The following THOC1 variants were observed in gnomAD, a reference collection of about 807,000 sequenced individuals.
THOC1 encodes THO complex subunit 1.
Under a neutral mutation model 97.3 loss-of-function variants are expected in THOC1, and 29 were observed. That is an observed-to-expected ratio of 0.30 (90% CI 0.22 to 0.41). The LOEUF (loss-of-function observed/expected upper bound fraction) is 0.41, where lower values mean the gene tolerates loss of function less well. THOC1 is among the 10% of genes least tolerant of loss of function. The pLI is 1.00. For synonymous variants in THOC1, 255 were observed against 257.0 expected (o/e 0.99, Z 0.07); for missense variants, 529 against 761.9 (o/e 0.69, Z 3.60).
At chr18:256,644 G>A (rs1399913430) in intron 7 of THOC1, among the ~76,000 whole-genome samples, 1 of 152,198 alleles carries the variant, frequency 6.6e-6, no homozygotes, top group East Asian at 1.9e-4. Context: ...TGTTGCCCAG[G>A]CTGAAGTGCA....
chr18:234,696 C>T (rs1911611678), intron 11 of THOC1, among the ~76,000 whole-genome samples: 1 of 152,162 alleles, frequency 6.6e-6, no homozygotes, highest in South Asian at 2.1e-4. Flanking sequence ...GGTTGTTAAT[C>T]TGGCATTATA....
At position 252,616 on chromosome 18, in the gene THOC1, A is replaced by T. The variant is rs765602022; in HGVS notation, c.604-4T>A. On this transcript the variant is annotated splice_region_variant and splice_polypyrimidine_tract_variant and intron_variant, in intron 8 of 20. Coordinates refer to ENST00000261600, the MANE Select transcript of THOC1 (RefSeq NM_005131.3). ...CTTCTTCTCTATCTTCAGTGTGCTA[A>T]ATTGAAAAAAAAATGTATAGCCTGT... 4 of 1,603,842 alleles carry T rather than the reference A, an allele frequency of 2.5e-6. No individual in the cohort carries two copies. The East Asian group carries it at 8.9e-5, about 36-fold the overall frequency.
chr18:258,968 A>G (rs1319422774), intron 7 of THOC1, among the ~76,000 whole-genome samples: 3 of 152,152 alleles, frequency 2.0e-5, no homozygotes, highest in Admixed American at 6.5e-5. Flanking sequence ...TAAGCTTTGA[A>G]CTTAAAAGAA....
chr18:230,902 A>AT (rs963624209), intron 11 of THOC1, among the ~76,000 whole-genome samples: 1 of 151,924 alleles, frequency 6.6e-6, no homozygotes, highest in Non-Finnish European at 1.5e-5. Context: ...TGCCCAGCTA[A>AT]TTTTTTTCTT....
intron 1 of THOC1, 21 bp from the exon 2 acceptor site, chr18:265,551 C>T (rs750764568): frequency 6.6e-7 from 1 of 1,525,568 alleles, no homozygotes; most frequent in East Asian, 2.3e-5. Context: ...ATTAAAATGG[C>T]AAATAATTGT....
intron 11 of THOC1, among the ~76,000 whole-genome samples, chr18:227,682 A>T (rs1344653944): frequency 2.0e-5 from 3 of 152,194 alleles, no homozygotes; most frequent in African/African-American, 7.2e-5. Flanking sequence ...GATTATGTGC[A>T]TGGAACACTG....
intron 9 of THOC1, among the ~76,000 whole-genome samples, chr18:249,468 C>T (rs138239187): frequency 0.016 from 2,439 of 152,154 alleles, 34 homozygotes; most frequent in Middle Eastern, 0.044. Context: ...TCAAGACCAG[C>T]CTGACCAACA....
intron 1 of THOC1, among the ~76,000 whole-genome samples, chr18:266,825 C>G (rs1328688747): frequency 6.6e-6 from 1 of 152,194 alleles, no homozygotes; most frequent in Non-Finnish European, 1.5e-5. Flanking sequence ...GCGTGAGCCA[C>G]TGCGCCCGGC....
intron 16 of THOC1, 43 bp from the exon 17 acceptor site, chr18:223,548 C>T: frequency 4.1e-6 from 6 of 1,449,818 alleles, no homozygotes; most frequent in Non-Finnish European, 5.7e-6. Context: ...TTATGGACAC[C>T]ATCCTCATGT....
chr18:263,513 A>G (rs970303131), intron 4 of THOC1: 1 of 152,430 alleles, frequency 6.6e-6, no homozygotes, highest in Admixed American at 6.5e-5. Flanking sequence ...TAGTATGTCT[A>G]ACAAATTCTT....
intron 7 of THOC1, among the ~76,000 whole-genome samples, chr18:255,635 T>G (rs1912414288): frequency 6.6e-6 from 1 of 152,212 alleles, no homozygotes; most frequent in Admixed American, 6.5e-5. Context: ...GAAGTTGCAG[T>G]AAGTTATCAG....
intron 7 of THOC1, among the ~76,000 whole-genome samples, chr18:256,564 T>C (rs1467112351): frequency 6.6e-6 from 1 of 152,232 alleles, no homozygotes; most frequent in East Asian, 1.9e-4. Context: ...CTACTCCTGG[T>C]GAAGATGCTG....
intron 18 of THOC1, among the ~76,000 whole-genome samples, chr18:217,103 T>C (rs1175092593): frequency 6.6e-6 from 1 of 152,240 alleles, no homozygotes; most frequent in African/African-American, 2.4e-5. Flanking sequence ...AAATATGCAA[T>C]GCTGCGGAAG....
At chr18:226,940 A>C in intron 11 of THOC1, 39 bp from the exon 12 acceptor site, 1 of 1,485,094 alleles carries the variant, frequency 6.7e-7, no homozygotes, top group Non-Finnish European at 9.2e-7. Flanking sequence ...AAAACAACAC[A>C]TTAAAATCAA....
chr18:215,530 GA>G (rs2143129102), intron 19 of THOC1, 26 bp from the exon 20 acceptor site: 1 of 1,574,368 alleles, frequency 6.4e-7, no homozygotes, highest in East Asian at 2.2e-5. Context: ...AAGAATGTTT[GA>G]AAGAATGCCA....
At position 242,003 on chromosome 18, in the gene THOC1, G is replaced by T. The variant is rs1911920669; in HGVS notation, c.918+4321C>A. Reference sequence around the variant, plus strand: ...GCTCTGCTAAAAAGGGAACTATACTGTTGGGCACTAGTATTCAGAATCACA... The same window carrying T: ...GCTCTGCTAAAAAGGGAACTATACTTTTGGGCACTAGTATTCAGAATCACA... On this transcript the variant is annotated intron_variant, in intron 11 of 20. Transcript: ENST00000261600. The surrounding 1 kb of genome is among the most constrained non-coding windows in gnomAD (Gnocchi z 4.5). Among the ~76,000 whole-genome samples, 2 of 152,308 alleles carry T rather than the reference G, an allele frequency of 1.3e-5. No homozygotes were observed. Among genetic ancestry groups the T allele is most frequent in the East Asian group, 3.9e-4 (2 of 5,180 alleles).
At chr18:259,903 T>C in intron 5 of THOC1, 173 bp from the exon 6 acceptor site, 5 of 556,920 alleles carry the variant, frequency 9.0e-6, no homozygotes, top group South Asian at 2.9e-5. Context: ...TATTTTCAGA[T>C]ATAAGAAAAC....
At chr18:237,878 T>C (rs1316508107) in intron 11 of THOC1, among the ~76,000 whole-genome samples, 1 of 152,164 alleles carries the variant, frequency 6.6e-6, no homozygotes, top group East Asian at 1.9e-4. Context: ...CCTTTTTTTT[T>C]CTTTTTGAGA....
intron 4 of THOC1, among the ~76,000 whole-genome samples, chr18:262,525 T>C (rs987501320): frequency 1.3e-5 from 2 of 152,216 alleles, no homozygotes; most frequent in African/African-American, 4.8e-5. Flanking sequence ...AGACTAGACT[T>C]TGTACAACTT....
Sources: gnomAD v4.1 joint callset for allele counts (sites outside exome capture counted in the v4.1 genomes callset) on GRCh38, gnomAD v4.1.1 for gene constraint, Gnocchi (gnomAD v3.1) non-coding constraint, MANE v1.5 for transcripts, NCBI Gene and HGNC (gene_info 2026-07-23, HGNC 2026-07-21) for gene names.